OR4E2: variants seen among roughly 807,000 people sequenced by gnomAD.
OR4E2 encodes olfactory receptor 4E2.
Under a neutral mutation model 11.0 loss-of-function variants are expected in OR4E2, and 9 were observed. That is an observed-to-expected ratio of 0.82 (90% confidence interval 0.49 to 1.43). The LOEUF (loss-of-function observed/expected upper bound fraction) is 1.43. OR4E2 is among the 40% of genes most tolerant of loss of function. OR4E2 has a pLI of 0.00. For synonymous variants in OR4E2, 159 were observed against 147.3 expected, an observed-to-expected ratio of 1.08 and a Z score of -0.57; for missense variants, 441 against 382.0, an observed-to-expected ratio of 1.15 and a Z score of -1.29.
Position 21,657,129 on chromosome 14 carries a change from T to G in OR4E2, c.-103+540T>G, listed in dbSNP as rs746623852. 3.3e-5 allele frequency among the ~76,000 whole-genome samples: 5 copies of G among 152,346 alleles called. No individual in the cohort carries two copies. In the South Asian group the frequency reaches 1.0e-3, roughly 32 times the overall value. ...GGCAGATGGCCATTCAGTCTTTGTTTCTAAGAGCAAGGAAGTCCTTACGCA... is the reference window on the plus strand; with the variant it reads ...GGCAGATGGCCATTCAGTCTTTGTTGCTAAGAGCAAGGAAGTCCTTACGCA... On this transcript the variant is annotated intron_variant, in intron 2 of 3. Coordinates refer to ENST00000641524, the MANE Select transcript of OR4E2 (RefSeq NM_001001912.3).
At chr14:21,655,257 A>G (rs2139794081) in intron 1 of OR4E2, among the ~76,000 whole-genome samples, 1 of 152,370 alleles carries the variant, frequency 6.6e-6, no homozygotes, top group South Asian at 2.1e-4. Flanking sequence ...ATCCAAATTT[A>G]TATATGTATA....
At chr14:21,655,584 G>A (rs1204915858) in intron 1 of OR4E2, among the ~76,000 whole-genome samples, 2 of 152,138 alleles carry the variant, frequency 1.3e-5, no homozygotes, top group African/African-American at 2.4e-5. Context: ...GAAGTGGGAG[G>A]ATTGCTTGAG....
In OR4E2 at chr14:21,665,521, G is replaced by T; in HGVS notation, c.439G>T (p.Ala147Ser). 1 of 1,614,118 alleles carries T rather than the reference G, an allele frequency of 6.2e-7. No homozygotes were observed. Among genetic ancestry groups the T allele is most frequent in the Non-Finnish European group, 8.5e-7 (1 of 1,180,014 alleles). The change falls in exon 4 of 4, where the codon GCT (alanine) becomes TCT (serine). Residue 147 changes from alanine to serine, a missense_variant. By Grantham distance (99) the Ala-to-Ser change is moderately conservative. Coordinates refer to ENST00000641524, the MANE Select transcript of OR4E2 (RefSeq NM_001001912.3). ...GAGAGTCTGTATACAGCTTGTCTTT[G>T]CTCTCTGGTTGGGGGGTACTGTTCA... ...NMRVCIQLVFALWLGGTVHSL... is the reference protein window; with the variant it reads ...NMRVCIQLVFSLWLGGTVHSL...
At position 21,665,817 on chromosome 14, in the gene OR4E2, G is replaced by T; in HGVS notation, c.735G>T (p.Met245Ile). 1 of 1,613,412 alleles carries T rather than the reference G, an allele frequency of 6.2e-7. No homozygotes were observed. Reference protein sequence around the residue: ...KALSTCSAHFMVVALFFGPCI... With the variant: ...KALSTCSAHFIVVALFFGPCI... ...TGTCTACCTGCTCGGCCCACTTCAT[G>T]GTGGTTGCCCTCTTCTTTGGGCCAT... Residue 245 changes from methionine (M) to isoleucine (I), a missense_variant, in exon 4 of 4, where the codon ATG becomes ATT. Met to Ile is a conservative substitution (Grantham distance 10, BLOSUM62 1). Coordinates refer to ENST00000641524, the MANE Select transcript of OR4E2 (RefSeq NM_001001912.3).
chr14:21,663,412 G>A (rs189234908), intron 3 of OR4E2, among the ~76,000 whole-genome samples: 225 of 152,168 alleles, frequency 1.5e-3, no homozygotes, highest in African/African-American at 5.3e-3. Flanking sequence ...CCTGGAAGGC[G>A]GAGCTTGCAG....
At position 21,667,608 on chromosome 14, in the gene OR4E2, A is replaced by G. The variant is rs1880714154; in HGVS notation, c.*1584A>G. 1.3e-5 allele frequency: 2 copies of G among 152,192 alleles called. No homozygotes were observed. The highest frequency in any genetic ancestry group is 1.3e-4 in the Admixed American group (2 of 15,278). The allele number at this position is 152,192 out of a possible 1,614,324, so 9.4% of individuals were successfully genotyped here. A position where few individuals can be genotyped will look rare whatever the true frequency, so the allele number is the denominator to read the frequency against. On this transcript the variant is annotated 3_prime_UTR_variant, in exon 4 of 4. Coordinates refer to ENST00000641524, the MANE Select transcript of OR4E2 (RefSeq NM_001001912.3). ...GAAATGAAGTCCAGATATCACTACT[A>G]TGTACATGTTAAAAACTTAGAAAAA... is the stretch of plus-strand genomic sequence containing the variant.
In OR4E2 at chr14:21,666,101, A is replaced by G; in HGVS notation, c.*77A>G. The G allele has an allele frequency of 9.5e-7, 1 of 1,055,062 alleles. No individual in the cohort carries two copies. The allele number at this position is 1,055,062 out of a possible 1,614,324, so 65.4% of individuals were successfully genotyped here. A position where few individuals can be genotyped will look rare whatever the true frequency, so the allele number is the denominator to read the frequency against. ...AAAAGTAAAGAGTCAAAATCAACTT[A>G]TATAACTTGGTAAATTAGGTAAAAT... On this transcript the variant is annotated 3_prime_UTR_variant, in exon 4 of 4. Transcript: ENST00000641524.
At chr14:21,661,661 AC>A (rs1177654753) in intron 3 of OR4E2, among the ~76,000 whole-genome samples, 1 of 152,254 alleles carries the variant, frequency 6.6e-6, no homozygotes, top group African/African-American at 2.4e-5. Flanking sequence ...ATGTGCAGCC[AC>A]ATTGAGAACC....
chr14:21,656,228 T>G (rs1168230202), intron 1 of OR4E2, among the ~76,000 whole-genome samples: 1 of 149,536 alleles, frequency 6.7e-6, no homozygotes, highest in Non-Finnish European at 1.5e-5. Flanking sequence ...ACATGGTTGG[T>G]GTGTGCCTGT....
intron 2 of OR4E2, among the ~76,000 whole-genome samples, chr14:21,658,040 T>C (rs2031065): frequency 0.047 from 7,081 of 152,212 alleles, 251 homozygotes; most frequent in South Asian, 0.1. Flanking sequence ...TCTCCTCATA[T>C]ACAGAGAAGA....
Position 21,665,646 on chromosome 14 carries a change from C to T in OR4E2, c.564C>T (p.Ala188=), listed in dbSNP as rs770752152. ...FCDVPLVIKL[A]CTDTYLTGIL... ...ATGTGCCTCTTGTTATCAAGCTGGC[C>T]TGCACAGATACATACCTCACAGGAA... The change falls in exon 4 of 4, where the codon GCC becomes GCT. Residue 188 remains alanine (A), a synonymous_variant. Transcript: ENST00000641524. 14 of 1,613,986 alleles carry T rather than the reference C, an allele frequency of 8.7e-6. No individual in the cohort carries two copies. The highest frequency in any genetic ancestry group is 1.3e-5 in the African/African-American group (1 of 74,896).
intron 1 of OR4E2, among the ~76,000 whole-genome samples, chr14:21,656,128 C>A (rs2139795779): frequency 6.6e-6 from 1 of 150,768 alleles, no homozygotes; most frequent in African/African-American, 2.4e-5. Context: ...AAAAACCAAC[C>A]AACCAACCAA....
rs763883905 is a variant in OR4E2 at position 21,665,389 on chromosome 14, T to G, written c.307T>G (p.Phe103Val). The change falls in exon 4 of 4, where the codon TTC becomes GTC. Residue 103 changes from phenylalanine to valine, a missense_variant. Physicochemically the swap from Phe to Val is conservative, Grantham distance 50. Transcript: ENST00000641524. Reference sequence around the variant, plus strand: ...TGACAACTGCATCACACAGCTCTTCTTCCTACATCTCTTTGCCTGTGCCGA... The same window carrying G: ...TGACAACTGCATCACACAGCTCTTCGTCCTACATCTCTTTGCCTGTGCCGA... ...SFDNCITQLF[F>V]LHLFACAEIF... 17 of 1,614,074 alleles carry G rather than the reference T, an allele frequency of 1.1e-5. No individual in the cohort carries two copies. The highest frequency in any genetic ancestry group is 1.4e-5 in the Non-Finnish European group (17 of 1,180,038).
chr14:21,655,815 C>T (rs1180927051), intron 1 of OR4E2, among the ~76,000 whole-genome samples: 1 of 151,978 alleles, frequency 6.6e-6, no homozygotes, highest in Non-Finnish European at 1.5e-5. Flanking sequence ...TTGAATGCGT[C>T]TTAAAATGCA....
chr14:21,659,153 A>G (rs1252153656), intron 2 of OR4E2, among the ~76,000 whole-genome samples: 2 of 151,994 alleles, frequency 1.3e-5, no homozygotes, highest in Non-Finnish European at 2.9e-5. Context: ...CTCCTGCTTC[A>G]GTCTCTGGAG....
intron 3 of OR4E2, among the ~76,000 whole-genome samples, chr14:21,664,640 A>C (rs1297927563): frequency 1.4e-4 from 22 of 152,206 alleles, no homozygotes; most frequent in Admixed American, 1.4e-3. Context: ...ACATTGAAAA[A>C]ATGAAAATGT....
At position 21,665,969 on chromosome 14, in the gene OR4E2, G is replaced by T; in HGVS notation, c.887G>T (p.Ser296Ile). ...IYTLRNEEVKSAMKQLRQRQV... is the reference protein window; with the variant it reads ...IYTLRNEEVKIAMKQLRQRQV... Reference sequence around the variant, plus strand: ...ACCTTGAGGAATGAGGAGGTAAAAAGTGCCATGAAGCAGCTCAGGCAGAGA... The same window carrying T: ...ACCTTGAGGAATGAGGAGGTAAAAATTGCCATGAAGCAGCTCAGGCAGAGA... The change falls in exon 4 of 4, where the codon AGT (serine) becomes ATT (isoleucine). Residue 296 changes from serine to isoleucine, a missense_variant. Physicochemically the swap from Ser to Ile is moderately radical, Grantham distance 142. Transcript: ENST00000641524. 1.2e-6 allele frequency: 2 copies of T among 1,614,098 alleles called. No homozygotes were observed. Among genetic ancestry groups the T allele is most frequent in the Non-Finnish European group, 1.7e-6 (2 of 1,180,012 alleles).
intron 2 of OR4E2, among the ~76,000 whole-genome samples, chr14:21,657,553 GTCTCTCTCTC>G (rs1234140909): frequency 3.6e-5 from 4 of 111,876 alleles, no homozygotes; most frequent in African/African-American, 1.4e-4. Flanking sequence ...TTTTCTGTCT[GTCTCTCTCTC>G]TCTCTCTCTC....
At chr14:21,657,442 TCCTTCCTTCCTTCCTTCCTTCCTTC>T (rs1880047563) in intron 2 of OR4E2, among the ~76,000 whole-genome samples, 3 of 3,974 alleles carry the variant, frequency 7.5e-4, no homozygotes, top group African/African-American at 2.2e-3. Context: ...CTTCTTTCTT[TCCTTCCTTCCTTCCTTCCTTCCTTC>T]CTTCCTTCCT....
Sources: allele counts gnomAD v4.1 joint callset (sites outside exome capture counted in the v4.1 genomes callset), GRCh38; gene constraint gnomAD v4.1.1; transcripts MANE v1.5; gene names NCBI Gene and HGNC (gene_info 2026-07-23, HGNC 2026-07-21).